Variants in GRIP1 observed in about 807,000 individuals in gnomAD.
The protein encoded by GRIP1 is glutamate receptor-interacting protein 1.
GRIP1 carries 45 observed loss-of-function variants against 129.9 expected under a neutral mutation model. The ratio of observed to expected loss-of-function variants is 0.35; its 90% CI spans 0.27 to 0.44. The LOEUF (loss-of-function observed/expected upper bound fraction) is 0.44. Ranked by LOEUF, GRIP1 falls within the 20% of genes least tolerant of loss-of-function variation. The pLI, the probability that GRIP1 is intolerant of heterozygous loss-of-function variation, is 1.00. For synonymous variants in GRIP1, 530 were observed against 520.8 expected, an observed-to-expected ratio of 1.02 and a Z score of -0.24; for missense variants, 1,196 against 1,396.8, an observed-to-expected ratio of 0.86 and a Z score of 2.29.
intron 1 of GRIP1, among the ~76,000 whole-genome samples, chr12:66,922,628 T>G (rs2041231924): frequency 1.3e-5 from 2 of 152,204 alleles, no homozygotes; most frequent in South Asian, 4.1e-4. Flanking sequence ...ATTCCTGAAT[T>G]CCTTTGTGCT....
chr12:66,733,177 T>C (rs889203569), intron 1 of GRIP1, among the ~76,000 whole-genome samples: 9 of 152,136 alleles, frequency 5.9e-5, no homozygotes, highest in Admixed American at 2.6e-4. Context: ...AAATAAGTAT[T>C]TACTGTGGGA....
upstream of GRIP1, among the ~76,000 whole-genome samples, chr12:66,804,752 T>G (rs1023446449): frequency 1.3e-5 from 2 of 152,194 alleles, no homozygotes; most frequent in Admixed American, 1.3e-4. Flanking sequence ...TCAAAACATG[T>G]GCTTGGGAAA....
chr12:66,668,785 AAT>A, intron 1 of GRIP1, among the ~76,000 whole-genome samples: 1 of 149,914 alleles, frequency 6.7e-6, no homozygotes, highest in Non-Finnish European at 1.5e-5. Context: ...AAAAAAAAAT[AAT>A]AATAATACCA....
chr12:66,885,284 G>GCCCCC (rs1566064748), intron 1 of GRIP1, among the ~76,000 whole-genome samples: 1 of 152,104 alleles, frequency 6.6e-6, no homozygotes, highest in Non-Finnish European at 1.5e-5. Flanking sequence ...AGGACAAGCT[G>GCCCCC]CCCCCGGTGC....
chr12:66,983,460 C>T (rs114090593), intron 1 of GRIP1, among the ~76,000 whole-genome samples: 4,082 of 152,042 alleles, frequency 0.027, 146 homozygotes, highest in African/African-American at 0.083. Flanking sequence ...AATGAATGGA[C>T]ATGTTTAAGT....
intron 23 of GRIP1, among the ~76,000 whole-genome samples, chr12:66,358,182 AC>A (rs1403013878): frequency 6.6e-6 from 1 of 152,220 alleles, no homozygotes; most frequent in African/African-American, 2.4e-5. Flanking sequence ...GGCGTAAGCC[AC>A]CACGCCCAGC....
intron 1 of GRIP1, among the ~76,000 whole-genome samples, chr12:66,951,894 G>T (rs1592384593): frequency 6.6e-6 from 1 of 152,174 alleles, no homozygotes; most frequent in African/African-American, 2.4e-5. Context: ...TGATGAGGAA[G>T]AGGGTTTTAA....
chr12:66,908,328 C>A (rs965191118), intron 1 of GRIP1, among the ~76,000 whole-genome samples: 3 of 151,984 alleles, frequency 2.0e-5, no homozygotes, highest in South Asian at 2.1e-4. Flanking sequence ...GCAGGCCTAG[C>A]CAGAGAACAG....
chr12:66,852,421 C>T (rs2039928790), intron 1 of GRIP1, among the ~76,000 whole-genome samples: 1 of 151,186 alleles, frequency 6.6e-6, no homozygotes, highest in South Asian at 2.1e-4. Context: ...CTTAGTACCA[C>T]CTGAGTTTAG....
intron 1 of GRIP1, among the ~76,000 whole-genome samples, chr12:66,903,746 G>A (rs1489099882): frequency 6.6e-6 from 1 of 152,128 alleles, no homozygotes; most frequent in Non-Finnish European, 1.5e-5. Context: ...TTCCCAAAAT[G>A]ATATGAAGGG....
At chr12:66,525,646 C>G (rs1241433354) in intron 5 of GRIP1, among the ~76,000 whole-genome samples, 10 of 151,576 alleles carry the variant, frequency 6.6e-5, no homozygotes, top group Non-Finnish European at 1.5e-4. Context: ...TCTCTCACCA[C>G]TCCTATTAAA....
At chr12:67,041,475 T>A (rs767348764) in intron 1 of GRIP1, among the ~76,000 whole-genome samples, 1 of 152,128 alleles carries the variant, frequency 6.6e-6, no homozygotes, top group Non-Finnish European at 1.5e-5. Context: ...TTTATAATCA[T>A]CATCATTACT....
intron 11 of GRIP1, among the ~76,000 whole-genome samples, chr12:66,450,013 G>A (rs928908312): frequency 6.6e-6 from 1 of 151,986 alleles, no homozygotes; most frequent in African/African-American, 2.4e-5. Flanking sequence ...CTAAGAAAGA[G>A]CCAAGAGCCG....
chr12:66,483,698 T>G (rs1467263339), intron 7 of GRIP1, among the ~76,000 whole-genome samples: 1 of 152,198 alleles, frequency 6.6e-6, no homozygotes, highest in Non-Finnish European at 1.5e-5. Flanking sequence ...TATATCAACA[T>G]GCAGAGAATG....
At chr12:67,045,139 A>C (rs1327946805) in intron 1 of GRIP1, among the ~76,000 whole-genome samples, 1 of 152,224 alleles carries the variant, frequency 6.6e-6, no homozygotes, top group Non-Finnish European at 1.5e-5. Flanking sequence ...GATGGGATTC[A>C]AAATCATGTT....
chr12:66,802,388 G>A (rs974934711), intron 1 of GRIP1, among the ~76,000 whole-genome samples: 8 of 152,088 alleles, frequency 5.3e-5, no homozygotes, highest in African/African-American at 1.7e-4. Context: ...CTTGACAAAT[G>A]AGATAAAACG....
intron 5 of GRIP1, among the ~76,000 whole-genome samples, chr12:66,528,432 C>T (rs578234650): frequency 2.0e-4 from 31 of 152,066 alleles, no homozygotes; most frequent in East Asian, 7.7e-4. Flanking sequence ...TCACTGTGCC[C>T]GGCCTAGAAT....
intron 1 of GRIP1, among the ~76,000 whole-genome samples, chr12:66,955,511 T>G (rs1018749210): frequency 5.5e-5 from 8 of 146,406 alleles, no homozygotes; most frequent in African/African-American, 1.0e-4. Context: ...TTGGTTTTTT[T>G]TTTTTTTTTT....
At chr12:66,501,116 G>A (rs1417679014) in intron 7 of GRIP1, among the ~76,000 whole-genome samples, 1 of 152,126 alleles carries the variant, frequency 6.6e-6, no homozygotes, top group South Asian at 2.1e-4. Context: ...GTACCCTCCT[G>A]GGTGATCTCA....
Sources: allele counts gnomAD v4.1 joint callset (sites outside exome capture counted in the v4.1 genomes callset), GRCh38; gene constraint gnomAD v4.1.1; transcripts MANE v1.5; gene names NCBI Gene and HGNC (gene_info 2026-07-23, HGNC 2026-07-21).